The following PTPRK variants were observed in gnomAD, a reference collection of about 807,000 sequenced individuals.
PTPRK encodes the protein protein tyrosine phosphatase receptor type K.
A neutral mutation model predicts 178.0 loss-of-function variants in PTPRK; 75 were observed. The ratio of observed to expected loss-of-function variants is 0.42; its 90% CI spans 0.35 to 0.51. PTPRK has a LOEUF of 0.51. Among genes scored for constraint, PTPRK ranks in the 20% least tolerant of loss-of-function variants. PTPRK has a pLI of 0.02. For synonymous variants in PTPRK, 637 were observed against 620.6 expected, an observed-to-expected ratio of 1.03 and a Z score of -0.39; for missense variants, 1,441 against 1,797.8, an observed-to-expected ratio of 0.80 and a Z score of 3.59.
chr6:128,044,743 T>C (rs1777767099), intron 13 of PTPRK, among the ~76,000 whole-genome samples: 1 of 151,988 alleles, frequency 6.6e-6, no homozygotes, highest in African/African-American at 2.4e-5. Flanking sequence ...GGAAACTCAC[T>C]CAAAATCACA....
chr6:128,036,110 G>A (rs150952533), intron 13 of PTPRK, among the ~76,000 whole-genome samples: 12 of 152,204 alleles, frequency 7.9e-5, no homozygotes, highest in Non-Finnish European at 1.6e-4. Context: ...TGTTATATTT[G>A]GGGTCTGAAT....
intron 1 of PTPRK, among the ~76,000 whole-genome samples, chr6:128,515,577 T>A (rs1015046069): frequency 6.6e-6 from 1 of 152,092 alleles, no homozygotes; most frequent in Non-Finnish European, 1.5e-5. Flanking sequence ...CTAGAAAATG[T>A]GTTTGCGCAA....
intron 13 of PTPRK, among the ~76,000 whole-genome samples, chr6:128,032,331 A>G (rs565979022): frequency 9.2e-5 from 14 of 152,176 alleles, no homozygotes; most frequent in African/African-American, 3.4e-4. Flanking sequence ...TCTTTCTGGC[A>G]TCTGGTTGTG....
chr6:128,122,643 TTACC>T (rs1012189796), intron 7 of PTPRK, among the ~76,000 whole-genome samples: 1 of 152,178 alleles, frequency 6.6e-6, no homozygotes, highest in Non-Finnish European at 1.5e-5. Flanking sequence ...GGGAGGAAAT[TTACC>T]AGCTGTATGA....
intron 13 of PTPRK, among the ~76,000 whole-genome samples, chr6:128,032,720 C>T (rs932548255): frequency 6.6e-6 from 1 of 152,108 alleles, no homozygotes; most frequent in African/African-American, 2.4e-5. Context: ...GTAGATTCTA[C>T]ATTTTAAAAA....
At chr6:128,432,213 A>G (rs1844921302) in intron 1 of PTPRK, among the ~76,000 whole-genome samples, 1 of 152,264 alleles carries the variant, frequency 6.6e-6, no homozygotes, top group South Asian at 2.1e-4. Context: ...CAAAATAGGT[A>G]GACTGTGATA....
rs528750961 is a variant in PTPRK, at chr6:128,079,035, C to T, written c.1778-117G>A. 135 of 575,396 alleles carry T rather than the reference C, an allele frequency of 2.3e-4. 1 individual carries two copies. Among genetic ancestry groups the T allele is most frequent in the East Asian group, 2.0e-3 (72 of 36,188 alleles). The allele number at this position is 575,396 out of a possible 1,614,324, so 35.6% of individuals were successfully genotyped here. On this transcript the variant is annotated intron_variant, in intron 10 of 29. Transcript: ENST00000368226. ...AAAAAATTCACCTAATTATCTACAA[C>T]GTATTTTGTTTTATAGCATAACATC... is the stretch of plus-strand genomic sequence containing the variant.
At chr6:128,410,310 G>C (rs1842156667) in intron 1 of PTPRK, among the ~76,000 whole-genome samples, 1 of 152,140 alleles carries the variant, frequency 6.6e-6, no homozygotes, top group Non-Finnish European at 1.5e-5. Flanking sequence ...GCTGCGATCA[G>C]CTCAACAAGT....
At chr6:128,150,242 C>T (rs1222484113) in intron 7 of PTPRK, among the ~76,000 whole-genome samples, 8 of 152,166 alleles carry the variant, frequency 5.3e-5, no homozygotes, top group South Asian at 2.1e-4. Flanking sequence ...CTTAGTATTG[C>T]TTTTTAAAGC....
intron 1 of PTPRK, among the ~76,000 whole-genome samples, chr6:128,430,943 T>C (rs1339738853): frequency 6.7e-6 from 1 of 148,870 alleles, no homozygotes; most frequent in African/African-American, 2.5e-5. Flanking sequence ...TTTTTTTCTT[T>C]TTTTTTTTTT....
At chr6:127,993,786 T>A in intron 18 of PTPRK, among the ~76,000 whole-genome samples, 1 of 151,692 alleles carries the variant, frequency 6.6e-6, no homozygotes. Context: ...TCATATCGTT[T>A]ACATATAATG....
At chr6:128,505,206 C>A (rs573033224) in intron 1 of PTPRK, among the ~76,000 whole-genome samples, 2 of 149,712 alleles carry the variant, frequency 1.3e-5, no homozygotes, top group South Asian at 2.1e-4. Flanking sequence ...CGGGTTCATG[C>A]GATTCTCCTG....
intron 1 of PTPRK, among the ~76,000 whole-genome samples, chr6:128,497,197 G>A (rs1244298936): frequency 6.6e-6 from 1 of 152,126 alleles, no homozygotes; most frequent in East Asian, 1.9e-4. Context: ...GTCAGTAGCA[G>A]AACACTAATT....
chr6:127,996,485 T>G (rs544885449), intron 17 of PTPRK, among the ~76,000 whole-genome samples: 1 of 152,284 alleles, frequency 6.6e-6, no homozygotes, highest in South Asian at 2.1e-4. Flanking sequence ...TTGTTGTTGT[T>G]TTTTGAGACA....
At position 128,336,896 on chromosome 6, in the gene PTPRK, C is replaced by T. The variant is rs182266750; in HGVS notation, c.224-14586G>A. Reference sequence around the variant, plus strand: ...ATTGGTTGAAGCAATTAACTGCATGCTCAAGCACAAGTAAGAATCATACAT... The same window carrying T: ...ATTGGTTGAAGCAATTAACTGCATGTTCAAGCACAAGTAAGAATCATACAT... On this transcript the variant is annotated intron_variant, in intron 2 of 29. Coordinates refer to ENST00000368226, the MANE Select transcript of PTPRK (RefSeq NM_002844.4). Among the ~76,000 whole-genome samples the T allele has an allele frequency of 2.7e-3, 413 of 152,226 alleles. 2 individuals carry two copies. Among genetic ancestry groups the T allele is most frequent in the African/African-American group, 9.5e-3 (396 of 41,544 alleles).
In PTPRK at chr6:128,006,172, A is replaced by T. The variant is rs537520946; in HGVS notation, c.2334-928T>A. On this transcript the variant is annotated intron_variant, in intron 14 of 29. Transcript: ENST00000368226. ...GTTAAAAAATAAAATAAAATAAAAT[A>T]AAATTCATGTTTTTTTTGCTTTGCA... The T allele has an allele frequency of 9.5e-6, 7 of 737,172 alleles. No individual in the cohort carries two copies. The Admixed American group carries it at 1.1e-4, about 12-fold the overall frequency. 45.7% of individuals were successfully genotyped at this position (737,172 alleles called of 1,614,324 possible). A position where few individuals can be genotyped will look rare whatever the true frequency, so the allele number is the denominator to read the frequency against.
intron 15 of PTPRK, chr6:127,999,881 C>T (rs1777596258): frequency 2.5e-6 from 2 of 790,808 alleles, no homozygotes; most frequent in Non-Finnish European, 3.1e-6. Context: ...TGACCACTCA[C>T]AATTAAGCGT....
Position 127,973,164 on chromosome 6 carries a change from G to A in PTPRK, c.4134-7C>T, listed in dbSNP as rs138728934. On this transcript the variant is annotated splice_region_variant and splice_polypyrimidine_tract_variant and intron_variant, in intron 28 of 29. Coordinates refer to ENST00000368226, the MANE Select transcript of PTPRK (RefSeq NM_002844.4). ...ACTTCGCCCGCCACCATTTCTGAAAGCAAAGAAAGCAAAGGCATTTTAGAT... is the reference window on the plus strand; with the variant it reads ...ACTTCGCCCGCCACCATTTCTGAAAACAAAGAAAGCAAAGGCATTTTAGAT... 1.9e-6 allele frequency: 3 copies of A among 1,613,560 alleles called. No individual in the cohort carries two copies. Among genetic ancestry groups the A allele is most frequent in the African/African-American group, 2.7e-5 (2 of 74,998 alleles).
intron 1 of PTPRK, among the ~76,000 whole-genome samples, chr6:128,454,942 T>C (rs148237521): frequency 2.0e-5 from 3 of 152,180 alleles, no homozygotes; most frequent in African/African-American, 7.2e-5. Context: ...ATCTGAAAAA[T>C]AAGGATTCCT....
Sources: allele counts gnomAD v4.1 joint callset (sites outside exome capture counted in the v4.1 genomes callset), GRCh38; gene constraint gnomAD v4.1.1; transcripts MANE v1.5; gene names NCBI Gene and HGNC (gene_info 2026-07-23, HGNC 2026-07-21).